The following MLLT10 variants were observed in gnomAD, a reference collection of about 807,000 sequenced individuals.
MLLT10 encodes protein AF-10.
MLLT10 carries 30 observed loss-of-function variants against 129.1 expected under a neutral mutation model. The observed-to-expected ratio is 0.23, with a 90% confidence interval of 0.17 to 0.32. The LOEUF (loss-of-function observed/expected upper bound fraction) is 0.32, where lower values mean the gene tolerates loss of function less well. Among genes scored for constraint, MLLT10 ranks in the 10% least tolerant of loss-of-function variants. MLLT10 has a pLI of 1.00. For missense variants in MLLT10, 1,119 were observed against 1,268.3 expected (o/e 0.88, Z 1.79); for synonymous variants, 490 against 446.4 (o/e 1.10, Z -1.23).
At chr10:21,620,433 T>A (rs1013107694) in intron 8 of MLLT10, among the ~76,000 whole-genome samples, 1 of 152,198 alleles carries the variant, frequency 6.6e-6, no homozygotes, top group Non-Finnish European at 1.5e-5. Context: ...CTTCTAGATT[T>A]ACCATGGAGT....
chr10:21,640,475 T>A (rs2047900356), intron 8 of MLLT10, among the ~76,000 whole-genome samples: 1 of 151,774 alleles, frequency 6.6e-6, no homozygotes, highest in Non-Finnish European at 1.5e-5. Flanking sequence ...ATAGACAACT[T>A]ATTACTTAGA....
intron 13 of MLLT10, among the ~76,000 whole-genome samples, chr10:21,690,890 CT>C (rs1016809719): frequency 6.6e-6 from 1 of 152,078 alleles, no homozygotes; most frequent in Admixed American, 6.6e-5. Flanking sequence ...CTAATATCCT[CT>C]TTTTTACTTT....
At chr10:21,692,375 G>C (rs982797791) in intron 13 of MLLT10, among the ~76,000 whole-genome samples, 1 of 151,780 alleles carries the variant, frequency 6.6e-6, no homozygotes, top group Non-Finnish European at 1.5e-5. Context: ...TTGCTTTGTT[G>C]CCCAGACTGG....
At chr10:21,629,415 A>T (rs527769859) in intron 8 of MLLT10, among the ~76,000 whole-genome samples, 1 of 152,124 alleles carries the variant, frequency 6.6e-6, no homozygotes, top group South Asian at 2.1e-4. Context: ...TTGGATGCAT[A>T]GGTAAGCCTG....
chr10:21,733,725 C>A (rs1204488211), intron 19 of MLLT10, 43 bp from the exon 20 acceptor site: 1 of 1,561,344 alleles, frequency 6.4e-7, no homozygotes. Flanking sequence ...TACGCTGGGA[C>A]TTAATGTCCA....
chr10:21,593,926 TAAAAAAAAAAAAAAAAAA>T (rs61561146), intron 4 of MLLT10, among the ~76,000 whole-genome samples: 12 of 45,408 alleles, frequency 2.6e-4, no homozygotes, highest in Admixed American at 4.6e-4. Context: ...GCTTTGTCTT[TAAAAAAAAAAAAAAAAAA>T]AAAAAAAAAA....
At chr10:21,689,690 C>T (rs1050981402) in intron 13 of MLLT10, among the ~76,000 whole-genome samples, 1 of 142,270 alleles carries the variant, frequency 7.0e-6, no homozygotes, top group Non-Finnish European at 1.5e-5. Context: ...GTTTTACCTC[C>T]AAGATACTGA....
At chr10:21,608,736 T>C (rs1589212705) in intron 5 of MLLT10, among the ~76,000 whole-genome samples, 1 of 152,150 alleles carries the variant, frequency 6.6e-6, no homozygotes, top group East Asian at 1.9e-4. Flanking sequence ...GTAATCTCTA[T>C]TGATCTCTTC....
At chr10:21,591,623 C>CTA (rs1035692291) in intron 4 of MLLT10, among the ~76,000 whole-genome samples, 62 of 151,778 alleles carry the variant, frequency 4.1e-4, no homozygotes, top group South Asian at 6.2e-4. Context: ...ATATCTCTTC[C>CTA]TATATATATA....
At chr10:21,659,524 T>C (rs990770825) in intron 9 of MLLT10, among the ~76,000 whole-genome samples, 1 of 151,966 alleles carries the variant, frequency 6.6e-6, no homozygotes, top group African/African-American at 2.4e-5. Flanking sequence ...TTTTTTTTTT[T>C]TTTTGAGACG....
At chr10:21,610,984 C>CTTTTTTTTTTTTTTTTTTTTTTCT (rs71393913) in intron 5 of MLLT10, among the ~76,000 whole-genome samples, 9 of 102,884 alleles carry the variant, frequency 8.7e-5, no homozygotes, top group South Asian at 3.6e-4. Flanking sequence ...TCTTTTTTCT[C>CTTTTTTTTTTTTTTTTTTTTTTCT]TTTTTTTTTT....
intron 13 of MLLT10, chr10:21,688,359 G>A: frequency 2.8e-6 from 2 of 710,894 alleles, no homozygotes; most frequent in Non-Finnish European, 4.9e-6. Flanking sequence ...GTTTCATGGG[G>A]ATTTTAACCC....
At chr10:21,664,359 C>T (rs1220355223) in intron 9 of MLLT10, among the ~76,000 whole-genome samples, 3 of 145,468 alleles carry the variant, frequency 2.1e-5, no homozygotes, top group African/African-American at 7.6e-5. Context: ...CTCCCTCTGT[C>T]CTGGAGTGCA....
intron 21 of MLLT10, among the ~76,000 whole-genome samples, chr10:21,739,654 G>T (rs1054975528): frequency 6.6e-6 from 1 of 152,194 alleles, no homozygotes; most frequent in Non-Finnish European, 1.5e-5. Flanking sequence ...ACTGCATCAA[G>T]AAAGCACCCT....
intron 9 of MLLT10, chr10:21,668,803 C>T (rs2051103760): frequency 1.8e-6 from 1 of 541,276 alleles, no homozygotes; most frequent in Non-Finnish European, 2.4e-6. Context: ...TAGCGTATTT[C>T]CATTTGTAGT....
intron 3 of MLLT10, chr10:21,556,685 A>G: frequency 6.2e-7 from 1 of 1,612,212 alleles, no homozygotes; most frequent in Non-Finnish European, 8.5e-7. Flanking sequence ...TGAAAACGTC[A>G]CTCCTGGATA....
chr10:21,561,955 C>T (rs2038868912), intron 3 of MLLT10, among the ~76,000 whole-genome samples: 1 of 151,756 alleles, frequency 6.6e-6, no homozygotes, highest in Non-Finnish European at 1.5e-5. Flanking sequence ...ACAGGCATGC[C>T]CCACCACGCT....
chr10:21,719,484 C>T (rs2056982619), intron 14 of MLLT10, among the ~76,000 whole-genome samples: 1 of 152,180 alleles, frequency 6.6e-6, no homozygotes, highest in Non-Finnish European at 1.5e-5. Flanking sequence ...TCTCTTATTA[C>T]TAATTGTTAC....
chr10:21,598,192 G>T (rs924582471), intron 5 of MLLT10, among the ~76,000 whole-genome samples: 1 of 152,058 alleles, frequency 6.6e-6, no homozygotes, highest in Non-Finnish European at 1.5e-5. Context: ...ATTTGTATTA[G>T]TATGGACTTA....
Sources: gnomAD v4.1 joint callset for allele counts (sites outside exome capture counted in the v4.1 genomes callset) on GRCh38, gnomAD v4.1.1 for gene constraint, MANE v1.5 for transcripts, NCBI Gene and HGNC (gene_info 2026-07-23, HGNC 2026-07-21) for gene names.